BANK1: variants seen among roughly 807,000 people sequenced by gnomAD.
The protein encoded by BANK1 is B cell scaffold protein with ankyrin repeats 1.
Under a neutral mutation model 94.5 loss-of-function variants are expected in BANK1, and 95 were observed. The ratio of observed to expected loss-of-function variants is 1.00; its 90% CI spans 0.85 to 1.19. BANK1 has a LOEUF of 1.19. Among genes scored for constraint, BANK1 ranks in the 50% most tolerant of loss-of-function variants. The pLI, the probability that BANK1 is intolerant of heterozygous loss-of-function variation, is 0.00. For missense variants in BANK1, 987 were observed against 932.2 expected, an observed-to-expected ratio of 1.06 and a Z score of -0.77; for synonymous variants, 334 against 308.4, an observed-to-expected ratio of 1.08 and a Z score of -0.87.
At chr4:102,000,314 C>T (rs1294184709) in intron 7 of BANK1, among the ~76,000 whole-genome samples, 2 of 110,506 alleles carry the variant, frequency 1.8e-5, no homozygotes, top group Non-Finnish European at 3.5e-5. Flanking sequence ...CAGAGCGAAA[C>T]TCTGTCTCAA....
At chr4:101,807,775 T>C (rs769114203) in intron 1 of BANK1, among the ~76,000 whole-genome samples, 77 of 152,242 alleles carry the variant, frequency 5.1e-4, no homozygotes, top group Non-Finnish European at 7.9e-4. Flanking sequence ...TAGTCAGTGA[T>C]AGACCTGGAT....
chr4:101,981,635 TTAAA>T (rs1351685594), intron 7 of BANK1, among the ~76,000 whole-genome samples: 1 of 152,150 alleles, frequency 6.6e-6, no homozygotes, highest in Non-Finnish European at 1.5e-5. Context: ...AATTATATAT[TTAAA>T]TATTTATCCT....
chr4:101,908,646 C>G (rs778070042), intron 6 of BANK1, among the ~76,000 whole-genome samples: 1 of 151,974 alleles, frequency 6.6e-6, no homozygotes, highest in African/African-American at 2.4e-5. Flanking sequence ...AAAATTTTTG[C>G]AATCTACTCA....
intron 7 of BANK1, among the ~76,000 whole-genome samples, chr4:102,008,309 A>G (rs1325647179): frequency 6.6e-6 from 1 of 152,208 alleles, no homozygotes; most frequent in Non-Finnish European, 1.5e-5. Context: ...CTGGATTCAT[A>G]TGAGGATCAC....
At chr4:102,061,950 G>A (rs1158818107) in intron 12 of BANK1, 2 of 152,082 alleles carry the variant, frequency 1.3e-5, no homozygotes, top group African/African-American at 4.8e-5. Flanking sequence ...TCTGAATTCT[G>A]TCAGAGGAAT....
intron 7 of BANK1, among the ~76,000 whole-genome samples, chr4:101,992,012 A>G (rs943685717): frequency 3.3e-5 from 5 of 152,206 alleles, no homozygotes; most frequent in African/African-American, 9.6e-5. Context: ...TGTAGGACAT[A>G]AGAAATGCTT....
chr4:101,908,125 C>T (rs575965052), intron 6 of BANK1, among the ~76,000 whole-genome samples: 30 of 152,190 alleles, frequency 2.0e-4, no homozygotes, highest in East Asian at 1.7e-3. Context: ...TGAACAAAGC[C>T]GGAGGCATCA....
At chr4:101,847,235 GTA>G (rs1266405909) in intron 2 of BANK1, among the ~76,000 whole-genome samples, 23 of 128,612 alleles carry the variant, frequency 1.8e-4, no homozygotes, top group Admixed American at 1.1e-3. Context: ...GTGTGTGTGT[GTA>G]TGTATATAGT....
intron 7 of BANK1, among the ~76,000 whole-genome samples, chr4:101,923,632 T>G (rs1297331249): frequency 6.6e-6 from 1 of 151,830 alleles, no homozygotes; most frequent in African/African-American, 2.4e-5. Flanking sequence ...AATGAAATCA[T>G]GTGGAATTTG....
intron 7 of BANK1, among the ~76,000 whole-genome samples, chr4:101,958,143 G>A (rs1373420135): frequency 1.3e-5 from 2 of 152,198 alleles, no homozygotes; most frequent in East Asian, 3.9e-4. Flanking sequence ...ACCGCTCCTG[G>A]CCTAGGTTTG....
chr4:101,965,444 G>T (rs1271913677), intron 7 of BANK1, among the ~76,000 whole-genome samples: 1 of 151,930 alleles, frequency 6.6e-6, no homozygotes, highest in South Asian at 2.1e-4. Flanking sequence ...GTTAAAGCCT[G>T]TGTCTTCTTA....
rs189040677 is a variant in BANK1 at position 101,960,363 on chromosome 4, G to A, written c.1206+42174G>A. On this transcript the variant is annotated intron_variant, in intron 7 of 16. Transcript: ENST00000322953. ...TAAAAATTGATAACGTAAGATTAAA[G>A]GCCAAAAACAGTAAGAATGACTGGG... is the stretch of plus-strand genomic sequence containing the variant. 3.3e-3 allele frequency among the ~76,000 whole-genome samples: 500 copies of A among 152,114 alleles called. 7 individuals are homozygous for A. Among genetic ancestry groups the A allele is most frequent in the Non-Finnish European group, 3.4e-3 (228 of 67,992 alleles).
rs925089937 is a variant in BANK1 at position 101,830,105 on chromosome 4, A to G, written c.368A>G (p.Gln123Arg). 1 of 1,613,254 alleles carries G rather than the reference A, an allele frequency of 6.2e-7. No individual in the cohort carries two copies. Among genetic ancestry groups the G allele is most frequent in the Non-Finnish European group, 8.5e-7 (1 of 1,179,724 alleles). ...TLLCGVKSSD[Q>R]LYELLNISQS... Reference sequence around the variant, plus strand: ...CTTTGTGGAGTGAAGAGTTCAGATCAGCTCTATGAATTACTAAATATCTCT... The same window carrying G: ...CTTTGTGGAGTGAAGAGTTCAGATCGGCTCTATGAATTACTAAATATCTCT... Residue 123 changes from glutamine (Q) to arginine (R), a missense_variant, in exon 2 of 17, where the codon CAG (glutamine) becomes CGG (arginine). Physicochemically the swap from Gln to Arg is conservative, Grantham distance 43 (BLOSUM62 1). Coordinates refer to ENST00000322953, the MANE Select transcript of BANK1 (RefSeq NM_017935.5).
At chr4:101,923,758 G>T (rs1352109571) in intron 7 of BANK1, among the ~76,000 whole-genome samples, 2 of 151,734 alleles carry the variant, frequency 1.3e-5, no homozygotes, top group Non-Finnish European at 2.9e-5. Flanking sequence ...AGGCAGAGTA[G>T]GTAAACTCTG....
chr4:102,005,416 T>C (rs373531607), intron 7 of BANK1, among the ~76,000 whole-genome samples: 1 of 152,230 alleles, frequency 6.6e-6, no homozygotes, highest in East Asian at 1.9e-4. Context: ...GAAGTGGTTA[T>C]GGATATGAAT....
rs577486447 is a variant in BANK1, at chr4:101,978,265, A to G, written c.1207-43249A>G. 5.9e-5 allele frequency among the ~76,000 whole-genome samples: 9 copies of G among 152,268 alleles called. No homozygotes were observed. The South Asian group carries it at 1.9e-3, about 32-fold the overall frequency. On this transcript the variant is annotated intron_variant, in intron 7 of 16. Transcript: ENST00000322953. ...TTTTAGAATCACAGTATTTTAAAGCAGTTCTTCAAAGATCATACAACTCAA... is the reference window on the plus strand; with the variant it reads ...TTTTAGAATCACAGTATTTTAAAGCGGTTCTTCAAAGATCATACAACTCAA...
chr4:101,993,887 G>T (rs1185900761), intron 7 of BANK1, among the ~76,000 whole-genome samples: 3 of 152,152 alleles, frequency 2.0e-5, no homozygotes, highest in African/African-American at 7.2e-5. Flanking sequence ...TATTTGCTTG[G>T]TTTCTCCTGA....
chr4:102,031,990 A>C (rs1727333614), intron 10 of BANK1, among the ~76,000 whole-genome samples: 1 of 152,236 alleles, frequency 6.6e-6, no homozygotes, highest in Non-Finnish European at 1.5e-5. Context: ...CAGCTGAAAT[A>C]AAACATGAAT....
intron 7 of BANK1, among the ~76,000 whole-genome samples, chr4:101,951,632 G>T (rs538681830): frequency 6.6e-6 from 1 of 151,898 alleles, no homozygotes; most frequent in Non-Finnish European, 1.5e-5. Flanking sequence ...TATATAATGC[G>T]GATGTTTATG....
Sources: allele counts gnomAD v4.1 joint callset (sites outside exome capture counted in the v4.1 genomes callset), GRCh38; gene constraint gnomAD v4.1.1; transcripts MANE v1.5; gene names NCBI Gene and HGNC (gene_info 2026-07-23, HGNC 2026-07-21).